The following RBFOX1 variants were observed in gnomAD, a reference collection of about 807,000 sequenced individuals.
RBFOX1 encodes RNA binding fox-1 homolog 1, also known as RNA binding protein fox-1 homolog 1.
Under a neutral mutation model 57.7 loss-of-function variants are expected in RBFOX1, and 8 were observed. The ratio of observed to expected loss-of-function variants is 0.14; its 90% confidence interval spans 0.08 to 0.25. The LOEUF is 0.25. Among genes scored for constraint, RBFOX1 ranks in the 10% least tolerant of loss-of-function variants. The pLI is 1.00. For missense variants in RBFOX1, 611 were observed against 548.5 expected, an observed-to-expected ratio of 1.11 and a Z score of -1.14; for synonymous variants, 326 against 222.4, an observed-to-expected ratio of 1.47 and a Z score of -4.15.
At chr16:7,319,092 C>A (rs1442643623) in intron 4 of RBFOX1, among the ~76,000 whole-genome samples, 1 of 152,028 alleles carries the variant, frequency 6.6e-6, no homozygotes, top group Admixed American at 6.6e-5. Context: ...TTTTTTTATC[C>A]TAATTTTAAA....
chr16:6,369,727 T>C (rs1352561656), intron 2 of RBFOX1, among the ~76,000 whole-genome samples: 4 of 152,234 alleles, frequency 2.6e-5, no homozygotes, highest in Non-Finnish European at 5.9e-5. Flanking sequence ...TAAATACACA[T>C]ATATTTTTAA....
chr16:6,279,822 G>A (rs967175384), intron 1 of RBFOX1, among the ~76,000 whole-genome samples: 1 of 152,012 alleles, frequency 6.6e-6, no homozygotes, highest in African/African-American at 2.4e-5. Context: ...ATGATAAATG[G>A]TAATGTTCCC....
chr16:6,883,627 C>G (rs1328175172), intron 3 of RBFOX1, among the ~76,000 whole-genome samples: 3 of 152,284 alleles, frequency 2.0e-5, no homozygotes, highest in East Asian at 3.9e-4. Flanking sequence ...GTGTTCAGAA[C>G]TTTTCAAAGC....
chr16:5,969,298 CTT>C (rs71142659), intron 4 of RBFOX1, among the ~76,000 whole-genome samples: 22,790 of 82,564 alleles, frequency 0.28, 670 homozygotes, highest in Middle Eastern at 0.35. Flanking sequence ...TTCGGTTGTT[CTT>C]TTTTTTTTTT....
At chr16:6,518,661 C>T (rs1296768875) in intron 2 of RBFOX1, among the ~76,000 whole-genome samples, 3 of 152,080 alleles carry the variant, frequency 2.0e-5, no homozygotes, top group African/African-American at 2.4e-5. Flanking sequence ...TTAAGGGCCA[C>T]CCGGAGTAAC....
intron 14 of RBFOX1, among the ~76,000 whole-genome samples, chr16:7,682,442 C>A (rs1280155727): frequency 6.6e-6 from 1 of 151,848 alleles, no homozygotes. Context: ...AAGCCACTTG[C>A]AAGTTTGAGT....
intron 2 of RBFOX1, among the ~76,000 whole-genome samples, chr16:6,652,729 A>G (rs1343527674): frequency 6.6e-6 from 1 of 152,186 alleles, no homozygotes; most frequent in African/African-American, 2.4e-5. Flanking sequence ...CCACAGAGAC[A>G]GAAAGCAGAA....
intron 3 of RBFOX1, among the ~76,000 whole-genome samples, chr16:5,823,989 G>A (rs2151810867): frequency 1.3e-5 from 2 of 152,282 alleles, no homozygotes; most frequent in South Asian, 2.1e-4. Context: ...AAAAGGCTGG[G>A]AACCACTGAT....
intron 5 of RBFOX1, among the ~76,000 whole-genome samples, chr16:7,560,375 T>C (rs6500985): frequency 0.93 from 141,339 of 152,188 alleles, 65,870 homozygotes; most frequent in Non-Finnish European, 0.97. Flanking sequence ...AAATTTCATT[T>C]CAGAAACATG....
chr16:5,449,435 A>G (rs1426536454), intron 1 of RBFOX1, among the ~76,000 whole-genome samples: 1 of 152,112 alleles, frequency 6.6e-6, no homozygotes, highest in African/African-American at 2.4e-5. Context: ...TATTGTCATG[A>G]TTCTTTGATT....
intron 4 of RBFOX1, among the ~76,000 whole-genome samples, chr16:7,477,473 C>T (rs553794920): frequency 6.6e-6 from 1 of 152,222 alleles, no homozygotes; most frequent in African/African-American, 2.4e-5. Context: ...ACAGCCCCTT[C>T]CTGCCCACAT....
chr16:6,894,465 C>G (rs890649412), intron 3 of RBFOX1, among the ~76,000 whole-genome samples: 2 of 152,144 alleles, frequency 1.3e-5, no homozygotes, highest in African/African-American at 4.8e-5. Context: ...CCTTTATTAT[C>G]TTTTGGTTGG....
chr16:5,610,332 T>A (rs1294628212), intron 3 of RBFOX1: 3 of 152,210 alleles, frequency 2.0e-5, no homozygotes, highest in Middle Eastern at 3.2e-3. Context: ...CATAGCTTCA[T>A]GTGATTGTCA....
intron 3 of RBFOX1, among the ~76,000 whole-genome samples, chr16:6,890,502 G>A (rs2065153162): frequency 6.9e-6 from 1 of 145,762 alleles, no homozygotes; most frequent in Non-Finnish European, 1.5e-5. Context: ...CTGGGCAACA[G>A]AGCGAGACTC....
chr16:6,596,586 G>GATAATTCTTAATC (rs2097778773), intron 2 of RBFOX1, among the ~76,000 whole-genome samples: 1 of 143,144 alleles, frequency 7.0e-6, no homozygotes, highest in African/African-American at 3.0e-5. Flanking sequence ...AATTCTTAAT[G>GATAATTCTTAATC]AGAACAGAAC....
At chr16:7,223,153 C>A (rs554026808) in intron 4 of RBFOX1, among the ~76,000 whole-genome samples, 3 of 152,286 alleles carry the variant, frequency 2.0e-5, no homozygotes, top group Admixed American at 2.0e-4. Flanking sequence ...AGGGCTGAAG[C>A]GAAGGGTTGA....
intron 4 of RBFOX1, among the ~76,000 whole-genome samples, chr16:7,151,217 TAA>T (rs1238548825): frequency 2.0e-5 from 3 of 152,212 alleles, no homozygotes; most frequent in African/African-American, 7.2e-5. Flanking sequence ...AGTAAATTTT[TAA>T]AAGTCACTCA....
chr16:5,925,847 C>A (rs144693292), intron 4 of RBFOX1, among the ~76,000 whole-genome samples: 97 of 152,260 alleles, frequency 6.4e-4, no homozygotes, highest in African/African-American at 2.0e-3. Context: ...ACTACCTGGG[C>A]CCCTCTCAGC....
intron 1 of RBFOX1, among the ~76,000 whole-genome samples, chr16:5,386,376 C>G (rs766296884): frequency 6.6e-6 from 1 of 152,054 alleles, no homozygotes; most frequent in Non-Finnish European, 1.5e-5. Context: ...AAAAGGTAGA[C>G]GGCCTCAGGT....
Sources: gnomAD v4.1 joint callset for allele counts (sites outside exome capture counted in the v4.1 genomes callset) on GRCh38, gnomAD v4.1.1 for gene constraint, MANE v1.5 for transcripts, NCBI Gene and HGNC (gene_info 2026-07-23, HGNC 2026-07-21) for gene names.